PRKDC: variants seen among roughly 807,000 people sequenced by gnomAD.
PRKDC encodes protein kinase, DNA-activated, catalytic subunit.
PRKDC carries 82 observed loss-of-function variants against 486.9 expected under a neutral mutation model. The observed-to-expected ratio is 0.17, with a 90% confidence interval of 0.14 to 0.20. The LOEUF (loss-of-function observed/expected upper bound fraction) is 0.20, where lower values mean the gene tolerates loss of function less well. PRKDC is among the 10% of genes least tolerant of loss of function. The pLI is 1.00. For synonymous variants in PRKDC, 1,895 were observed against 1,837.0 expected (o/e 1.03, Z -0.81); for missense variants, 4,504 against 5,038.2 (o/e 0.89, Z 3.21).
At position 47,925,293 on chromosome 8, in the gene PRKDC, C is replaced by G. The variant is rs993744439; in HGVS notation, c.2419+1901G>C. ...AAATGGTTACAGTGGAAACAACCAG[C>G]AAAGGCACCAAGTGTCCTGAAGAGA... On this transcript the variant is annotated intron_variant, in intron 21 of 85. Transcript: ENST00000314191. Among the ~76,000 whole-genome samples, 4 of 152,318 alleles carry G rather than the reference C, an allele frequency of 2.6e-5. No homozygotes were observed. In the East Asian group the frequency reaches 7.7e-4, roughly 29 times the overall value.
chr8:47,949,573 C>T (rs1287707393), intron 7 of PRKDC, among the ~76,000 whole-genome samples: 1 of 152,170 alleles, frequency 6.6e-6, no homozygotes, highest in Non-Finnish European at 1.5e-5. Flanking sequence ...AGCAACATCA[C>T]CTGCCAACAG....
chr8:47,774,694 C>T (rs142017468), intron 85 of PRKDC, among the ~76,000 whole-genome samples: 3 of 152,236 alleles, frequency 2.0e-5, no homozygotes, highest in East Asian at 1.9e-4. Context: ...ACAGCAGCTG[C>T]ACCTTTTCCC....
intron 40 of PRKDC, among the ~76,000 whole-genome samples, chr8:47,867,581 G>C (rs1041147268): frequency 2.0e-5 from 3 of 152,216 alleles, no homozygotes; most frequent in African/African-American, 7.2e-5. Flanking sequence ...TGTTATTTTT[G>C]AAAGTATTTT....
At chr8:47,931,436 C>T (rs1287099926) in intron 16 of PRKDC, among the ~76,000 whole-genome samples, 1 of 151,510 alleles carries the variant, frequency 6.6e-6, no homozygotes, top group East Asian at 1.9e-4. Flanking sequence ...GCAATGAACA[C>T]ACATGTTCTA....
intron 25 of PRKDC, among the ~76,000 whole-genome samples, chr8:47,905,635 A>C (rs937278039): frequency 6.6e-6 from 1 of 152,112 alleles, no homozygotes; most frequent in Non-Finnish European, 1.5e-5. Context: ...ACAAATTCAA[A>C]GCCAGTACCA....
rs1392655766 is a variant in PRKDC at position 47,933,093 on chromosome 8, A to G, written c.1703T>C (p.Phe568Ser). 1 of 1,583,668 alleles carries G rather than the reference A, an allele frequency of 6.3e-7. No homozygotes were observed. The highest frequency in any genetic ancestry group is 1.8e-5 in the Admixed American group (1 of 54,738). The change falls in exon 16 of 86, where the codon TTT (phenylalanine) becomes TCT (serine). Residue 568 changes from phenylalanine (F) to serine (S), a missense_variant. Physicochemically the swap from Phe to Ser is radical, Grantham distance 155 (BLOSUM62 -2). Transcript: ENST00000314191. ...AACAATCTTCAAAACGGATTTTACA[A>G]ATTCATCATAAAGTAAATGATTCAG... ...ESLNHLLYDE[F>S]VKSVLKIVEK...
chr8:47,869,604 G>C (rs185067806), intron 40 of PRKDC, among the ~76,000 whole-genome samples: 42 of 151,960 alleles, frequency 2.8e-4, no homozygotes, highest in African/African-American at 8.9e-4. Context: ...CAGTTGTGGT[G>C]GCCACAGGGA....
chr8:47,793,308 C>T (rs764929529), intron 74 of PRKDC, among the ~76,000 whole-genome samples: 2 of 152,184 alleles, frequency 1.3e-5, no homozygotes, highest in Non-Finnish European at 2.9e-5. Flanking sequence ...GGTGTGTTCA[C>T]AGATAAGCCA....
chr8:47,773,637 T>G lies in PRKDC; in HGVS notation c.*536A>C. ...AAACCTAGAAAAATATCCTAAAATATCAAATGCAGTCATTTCTAAATATAA... is the reference window on the plus strand; with the variant it reads ...AAACCTAGAAAAATATCCTAAAATAGCAAATGCAGTCATTTCTAAATATAA... On this transcript the variant is annotated 3_prime_UTR_variant, in exon 86 of 86. Coordinates refer to ENST00000314191, the MANE Select transcript of PRKDC (RefSeq NM_006904.7). 4.5e-6 allele frequency: 1 copy of G among 220,928 alleles called. No individual in the cohort carries two copies. The highest frequency in any genetic ancestry group is 9.1e-6 in the Non-Finnish European group (1 of 110,450). 13.7% of individuals were successfully genotyped at this position (220,928 alleles called of 1,614,324 possible).
intron 30 of PRKDC, among the ~76,000 whole-genome samples, chr8:47,893,967 T>C (rs2089520263): frequency 6.6e-6 from 1 of 152,174 alleles, no homozygotes; most frequent in Non-Finnish European, 1.5e-5. Flanking sequence ...ATTCAAAACA[T>C]GTATCTCTGA....
chr8:47,785,729 G>T lies in PRKDC; in HGVS notation c.10903-412C>A, dbSNP rs552295676. ...CCAGCCTGGGTATCCGAGTGAGACC[G>T]TGTCTCTAAAAAAAAAAAAAATTAT... is the stretch of plus-strand genomic sequence containing the variant. On this transcript the variant is annotated intron_variant, in intron 76 of 85. Transcript: ENST00000314191. 4.1e-3 allele frequency among the ~76,000 whole-genome samples: 605 copies of T among 146,216 alleles called. 4 individuals carry two copies. Among genetic ancestry groups the T allele is most frequent in the South Asian group, 0.026 (121 of 4,576 alleles).
In PRKDC at chr8:47,799,364, T is replaced by C. The variant is rs761036095; in HGVS notation, c.10143A>G (p.Ala3381=). The C allele has an allele frequency of 9.4e-6, 15 of 1,603,056 alleles. No homozygotes were observed. The highest frequency in any genetic ancestry group is 1.2e-5 in the Non-Finnish European group (14 of 1,176,956). ...EKVIAGLYQR[A]FQHLSEAVQA... ...GCACAGCCTCAGAGAGGTGCTGGAA[T>C]GCTCTCTGGTACAGACCCGCGATCA... Residue 3381 remains alanine (A), a synonymous_variant, in exon 72 of 86, where the codon GCA becomes GCG. Coordinates refer to ENST00000314191, the MANE Select transcript of PRKDC (RefSeq NM_006904.7).
intron 64 of PRKDC, 44 bp from the exon 65 acceptor site, chr8:47,821,836 G>A: frequency 2.1e-6 from 3 of 1,440,832 alleles, no homozygotes; most frequent in Admixed American, 2.9e-5. Context: ...AAGTTGGAAA[G>A]AATACCAATG....
intron 3 of PRKDC, among the ~76,000 whole-genome samples, chr8:47,956,516 G>A (rs375390935): frequency 1.4e-5 from 2 of 145,682 alleles, no homozygotes; most frequent in Admixed American, 6.9e-5. Flanking sequence ...GCAACAAGGC[G>A]AAACCCTGTC....
intron 54 of PRKDC, among the ~76,000 whole-genome samples, chr8:47,845,428 T>C (rs2088243198): frequency 6.6e-6 from 1 of 151,760 alleles, no homozygotes; most frequent in Admixed American, 6.6e-5. Flanking sequence ...ACAGAAGATC[T>C]AAATAAGCAC....
chr8:47,902,977 T>C (rs1417401714), intron 26 of PRKDC, among the ~76,000 whole-genome samples, 182 bp from the exon 27 acceptor site: 2 of 152,218 alleles, frequency 1.3e-5, no homozygotes, highest in African/African-American at 4.8e-5. Context: ...TAGGCTTGAA[T>C]AACTATTTCC....
At position 47,821,640 on chromosome 8, in the gene PRKDC, T is replaced by TG; in HGVS notation, c.9074dup (p.Asp3026ArgfsTer4). On this transcript the variant is annotated frameshift_variant, in exon 65 of 86. Transcript: ENST00000314191. LOFTEE classifies it high-confidence loss of function. ...GTTCACTCCAGATTTTATTTAGGTC[T>TG]GGGGGGTTCTCACTGTCTATACTGG... is the stretch of plus-strand genomic sequence containing the variant. The TG allele has an allele frequency of 1.2e-6, 2 of 1,602,576 alleles. No individual in the cohort carries two copies. Among genetic ancestry groups the TG allele is most frequent in the Non-Finnish European group, 1.7e-6 (2 of 1,173,504 alleles).
intron 12 of PRKDC, 77 bp downstream of exon 12, chr8:47,936,276 T>C (rs1383421520): frequency 6.9e-6 from 10 of 1,457,774 alleles, no homozygotes; most frequent in Non-Finnish European, 9.3e-6. Context: ...ACACTAAATG[T>C]ATTGTATGAC....
chr8:47,878,713 G>A (rs1201248830), intron 39 of PRKDC, among the ~76,000 whole-genome samples: 1 of 152,090 alleles, frequency 6.6e-6, no homozygotes. Context: ...TTTTGCTTCT[G>A]CATATTTAAT....
Sources: gnomAD v4.1 joint callset for allele counts (sites outside exome capture counted in the v4.1 genomes callset) on GRCh38, gnomAD v4.1.1 for gene constraint, MANE v1.5 for transcripts, NCBI Gene and HGNC (gene_info 2026-07-23, HGNC 2026-07-21) for gene names.